The following DLG2 variants were observed in gnomAD, a reference collection of about 807,000 sequenced individuals.
DLG2 encodes the protein discs large MAGUK scaffold protein 2.
Under a neutral mutation model 132.5 loss-of-function variants are expected in DLG2, and 45 were observed. That is an observed-to-expected ratio of 0.34 (90% CI 0.27 to 0.44). The LOEUF (loss-of-function observed/expected upper bound fraction) is 0.44, where lower values mean the gene tolerates loss of function less well. DLG2 is among the 20% of genes least tolerant of loss of function. The pLI, the probability that DLG2 is intolerant of heterozygous loss-of-function variation, is 1.00. For synonymous variants in DLG2, 424 were observed against 419.6 expected, an observed-to-expected ratio of 1.01 and a Z score of -0.13; for missense variants, 1,045 against 1,196.9, an observed-to-expected ratio of 0.87 and a Z score of 1.87.
chr11:84,396,282 A>G (rs2098810688), intron 7 of DLG2, among the ~76,000 whole-genome samples: 1 of 152,222 alleles, frequency 6.6e-6, no homozygotes, highest in Admixed American at 6.5e-5. Context: ...CTAGGTTTAT[A>G]CGGGCTACAT....
At chr11:85,476,662 C>A (rs1389710052) in intron 3 of DLG2, among the ~76,000 whole-genome samples, 1 of 151,938 alleles carries the variant, frequency 6.6e-6, no homozygotes, top group Admixed American at 6.6e-5. Context: ...AACACAGGAA[C>A]ACACACTAAC....
At chr11:85,453,144 G>A (rs1025463289) in intron 3 of DLG2, 16 of 275,978 alleles carry the variant, frequency 5.8e-5, no homozygotes, top group Non-Finnish European at 1.1e-4. Context: ...CCTTCATGGT[G>A]AGAATATTTC....
chr11:84,855,516 T>C (rs1472670586), intron 6 of DLG2, among the ~76,000 whole-genome samples: 1 of 152,032 alleles, frequency 6.6e-6, no homozygotes, highest in Non-Finnish European at 1.5e-5. Flanking sequence ...AACTCTCCCA[T>C]ATTTCTAGAA....
intron 19 of DLG2, among the ~76,000 whole-genome samples, chr11:83,582,186 C>A (rs1188216743): frequency 6.6e-6 from 1 of 151,904 alleles, no homozygotes; most frequent in East Asian, 1.9e-4. Context: ...AAACTCCCGA[C>A]CTCAGATGAT....
At chr11:84,481,289 C>T (rs1049294686) in intron 7 of DLG2, among the ~76,000 whole-genome samples, 1 of 151,962 alleles carries the variant, frequency 6.6e-6, no homozygotes, top group East Asian at 1.9e-4. Flanking sequence ...GTTTATCTTG[C>T]CCTATTTTTT....
chr11:83,494,508 C>A (rs563161451), intron 21 of DLG2, among the ~76,000 whole-genome samples: 6 of 151,268 alleles, frequency 4.0e-5, no homozygotes, highest in Non-Finnish European at 8.9e-5. Context: ...GATGAAGGAA[C>A]AACTACCATG....
chr11:84,688,607 G>C (rs2057646046), intron 6 of DLG2, among the ~76,000 whole-genome samples: 3 of 152,154 alleles, frequency 2.0e-5, no homozygotes, highest in Non-Finnish European at 2.9e-5. Context: ...AGCTAAAGTA[G>C]CAAATGTTAA....
chr11:85,583,823 C>A (rs1189647449), intron 3 of DLG2, among the ~76,000 whole-genome samples: 2 of 152,074 alleles, frequency 1.3e-5, no homozygotes, highest in Non-Finnish European at 2.9e-5. Flanking sequence ...TGAAAACCAG[C>A]ATTGAGATCT....
intron 7 of DLG2, among the ~76,000 whole-genome samples, chr11:84,501,181 T>C (rs1030999183): frequency 6.6e-6 from 1 of 152,242 alleles, no homozygotes; most frequent in Non-Finnish European, 1.5e-5. Context: ...CTTCCAAATA[T>C]AAAACTTATA....
chr11:84,811,264 A>G (rs2076529845), intron 6 of DLG2, among the ~76,000 whole-genome samples: 1 of 152,088 alleles, frequency 6.6e-6, no homozygotes, highest in South Asian at 2.1e-4. Flanking sequence ...TAAGGTATGC[A>G]TGTGTGCATA....
intron 6 of DLG2, among the ~76,000 whole-genome samples, chr11:84,785,936 A>G (rs913087176): frequency 6.6e-6 from 1 of 152,056 alleles, no homozygotes; most frequent in African/African-American, 2.4e-5. Context: ...TAAGACCTAG[A>G]ATAAGTCTTT....
At chr11:83,933,900 A>C (rs1176362975) in intron 14 of DLG2, among the ~76,000 whole-genome samples, 1 of 152,248 alleles carries the variant, frequency 6.6e-6, no homozygotes, top group African/African-American at 2.4e-5. Flanking sequence ...ATAAAGGAGA[A>C]AAAATTTTCA....
At chr11:83,792,407 C>A (rs995030725) in intron 17 of DLG2, among the ~76,000 whole-genome samples, 20 of 152,040 alleles carry the variant, frequency 1.3e-4, no homozygotes, top group African/African-American at 4.6e-4. Flanking sequence ...AATTAATATA[C>A]CCACATCATA....
chr11:84,472,476 A>C (rs2099110956), intron 7 of DLG2, among the ~76,000 whole-genome samples: 1 of 152,008 alleles, frequency 6.6e-6, no homozygotes, highest in Non-Finnish European at 1.5e-5. Flanking sequence ...ATTTTGGCAC[A>C]GACTTTATAA....
chr11:85,533,001 G>C (rs1414527368), intron 3 of DLG2, among the ~76,000 whole-genome samples: 6 of 146,624 alleles, frequency 4.1e-5, no homozygotes, highest in African/African-American at 1.5e-4. Flanking sequence ...AGATGCCTAA[G>C]GTGTTTTTGT....
chr11:83,965,373 G>A lies in DLG2; in HGVS notation c.1152C>T (p.Pro384=). ...SEVVYLKVGK[P]TTIYMTDPYG... is the part of the protein sequence containing the mutation. ...AAGGATCAGTCATATAAATGGTAGT[G>A]GGTTTGCCAACTTTTAAATAAACTA... Residue 384 remains proline, a synonymous_variant, in exon 13 of 28, where the codon CCC becomes CCT. Coordinates refer to ENST00000376104, the MANE Select transcript of DLG2 (RefSeq NM_001142699.3). 1 of 1,612,224 alleles carries A rather than the reference G, an allele frequency of 6.2e-7. No individual in the cohort carries two copies. Among genetic ancestry groups the A allele is most frequent in the Non-Finnish European group, 8.5e-7 (1 of 1,178,818 alleles).
In DLG2 at chr11:83,930,347, G is replaced by A. The variant is rs558659632; in HGVS notation, c.1477C>T (p.Pro493Ser). ...PYSHYHLGLL[P>S]DSEMTSHSQH... ...CAGTACCTGGTCATCTCAGAGTCAG[G>A]TAGCAGGCCTAGGTGGTAGTGGGAA... Residue 493 changes from proline (P) to serine (S), a missense_variant, in exon 15 of 28, where the codon CCT becomes TCT. Coordinates refer to ENST00000376104, the MANE Select transcript of DLG2 (RefSeq NM_001142699.3). 56 of 1,613,938 alleles carry A rather than the reference G, an allele frequency of 3.5e-5. No individual in the cohort carries two copies. In the South Asian group the frequency reaches 5.7e-4, roughly 16 times the overall value.
intron 6 of DLG2, among the ~76,000 whole-genome samples, chr11:85,027,309 C>T (rs921990702): frequency 4.0e-5 from 6 of 150,510 alleles, no homozygotes; most frequent in African/African-American, 1.5e-4. Flanking sequence ...CCAGCAATGT[C>T]TGGAGGTTGG....
chr11:83,600,236 G>GGGGT (rs142616504), intron 19 of DLG2, among the ~76,000 whole-genome samples: 4 of 145,512 alleles, frequency 2.7e-5, no homozygotes, highest in Admixed American at 6.9e-5. Flanking sequence ...CTAGCTATAG[G>GGGGT]GTGTGTGTGT....
Sources: allele counts gnomAD v4.1 joint callset (sites outside exome capture counted in the v4.1 genomes callset), GRCh38; gene constraint gnomAD v4.1.1; transcripts MANE v1.5; gene names NCBI Gene and HGNC (gene_info 2026-07-23, HGNC 2026-07-21).